PNPLA7: variants seen among roughly 807,000 people sequenced by gnomAD.
PNPLA7 encodes patatin-like phospholipase domain-containing protein 7.
Under a neutral mutation model 161.7 loss-of-function variants are expected in PNPLA7, and 153 were observed. The ratio of observed to expected loss-of-function variants is 0.95; its 90% confidence interval spans 0.83 to 1.08. PNPLA7 has a LOEUF of 1.08. Among genes scored for constraint, PNPLA7 ranks in the 50% least tolerant of loss-of-function variants. The pLI is 0.00. For missense variants in PNPLA7, 1,739 were observed against 1,856.6 expected, an observed-to-expected ratio of 0.94 and a Z score of 1.16; for synonymous variants, 809 against 782.1, an observed-to-expected ratio of 1.03 and a Z score of -0.57.
At chr9:137,510,130 A>G (rs950039426) in intron 12 of PNPLA7, among the ~76,000 whole-genome samples, 6 of 152,268 alleles carry the variant, frequency 3.9e-5, no homozygotes, top group Non-Finnish European at 5.9e-5. Flanking sequence ...CAGGCGGATC[A>G]TGGTCCAGCG....
At chr9:137,478,505 G>A (rs757821826) in intron 24 of PNPLA7, 52 of 212,054 alleles carry the variant, frequency 2.5e-4, no homozygotes, top group African/African-American at 1.0e-3. Flanking sequence ...CCTTCAGGGC[G>A]TGGGTTTCTG....
intron 8 of PNPLA7, among the ~76,000 whole-genome samples, chr9:137,529,464 T>C (rs1396420786): frequency 2.6e-5 from 4 of 152,156 alleles, no homozygotes; most frequent in Non-Finnish European, 5.9e-5. Context: ...TAGGATATAA[T>C]TTTCCGGAGA....
Position 137,464,362 on chromosome 9 carries a change from A to G in PNPLA7, c.3134T>C (p.Val1045Ala), listed in dbSNP as rs1412748027. ...GAGFNSSIFS[V>A]FKDQQIEDLW... ...CACCTCGATCTGCTGGTCCTTGAAG[A>G]CGCTGAAGATGCTGCTGTTGAAGCC... The change falls in exon 27 of 35, where the codon GTC becomes GCC. Residue 1045 changes from valine (V) to alanine (A), a missense_variant. Transcript: ENST00000406427. The G allele has an allele frequency of 6.2e-7, 1 of 1,613,660 alleles. No homozygotes were observed. Among genetic ancestry groups the G allele is most frequent in the Non-Finnish European group, 8.5e-7 (1 of 1,179,972 alleles).
chr9:137,510,071 G>A (rs989628047), intron 12 of PNPLA7, among the ~76,000 whole-genome samples: 1 of 152,188 alleles, frequency 6.6e-6, no homozygotes, highest in African/African-American at 2.4e-5. Context: ...GCCACCAGAG[G>A]GCTCCTTGGT....
rs1836341340 is a variant in PNPLA7, at chr9:137,543,728, T to C, written c.361A>G (p.Lys121Glu). 1 of 1,614,022 alleles carries C rather than the reference T, an allele frequency of 6.2e-7. No individual in the cohort carries two copies. Among genetic ancestry groups the C allele is most frequent in the East Asian group, 2.2e-5 (1 of 44,878 alleles). ...GGTCTGAAGGACACACAGTACCTCT[T>C]GGCCAAAGACAGCACCTTGGTCCTC... ...RKRTKVLSLA[K>E]RILRFKKEYP... The change falls in exon 5 of 35, where the codon AAG becomes GAG. Residue 121 changes from lysine (K) to glutamate (E), a missense_variant. Lys to Glu is a moderately conservative substitution (Grantham distance 56). This residue lies in a region of PNPLA7 where 209 missense variants were observed against 252.8 expected (regional missense o/e 0.83). Transcript: ENST00000406427. The surrounding 1 kb of genome is among the most constrained non-coding windows in gnomAD (Gnocchi z 6.9).
At position 137,461,027 on chromosome 9, in the gene PNPLA7, G is replaced by A; in HGVS notation, c.3842-290C>T. 9.3e-6 allele frequency: 4 copies of A among 430,706 alleles called. No individual in the cohort carries two copies. In the South Asian group the frequency reaches 9.8e-5, roughly 11 times the overall value. The allele number at this position is 430,706 out of a possible 1,614,324, so 26.7% of individuals were successfully genotyped here. On this transcript the variant is annotated intron_variant, in intron 33 of 34. Coordinates refer to ENST00000406427, the MANE Select transcript of PNPLA7 (RefSeq NM_001098537.3). ...GCACCCTGAGGGCTCCAGCACCCCA[G>A]ACCTGGCAACTGTGGATAGGGGCTG...
At chr9:137,508,386 T>C (rs1834030302) in intron 12 of PNPLA7, among the ~76,000 whole-genome samples, 1 of 151,502 alleles carries the variant, frequency 6.6e-6, no homozygotes, top group Non-Finnish European at 1.5e-5. Context: ...GCTAACACGG[T>C]GAAACCCCGT....
At chr9:137,549,526 T>C (rs1006188584) in intron 1 of PNPLA7, among the ~76,000 whole-genome samples, 9 of 140,618 alleles carry the variant, frequency 6.4e-5, no homozygotes, top group Middle Eastern at 3.6e-3. Context: ...GTTGAGATCG[T>C]GCCACTGCAA....
chr9:137,517,096 C>T (rs1834628636), intron 11 of PNPLA7, among the ~76,000 whole-genome samples: 1 of 144,588 alleles, frequency 6.9e-6, no homozygotes, highest in Admixed American at 6.9e-5. Context: ...ACTCTGTCCA[C>T]TCCATCCCTC....
Position 137,543,524 on chromosome 9 carries a change from G to A in PNPLA7, c.414C>T (p.Pro138=). Reference sequence around the variant, plus strand: ...GGTCGGCCTCCAGCAGGGAGGGCGGGGGCTCCTTGGGCTGCAGGGCCGGGT... The same window carrying A: ...GGTCGGCCTCCAGCAGGGAGGGCGGAGGCTCCTTGGGCTGCAGGGCCGGGT... ...KEYPALQPKE[P]PPSLLEADLT... The change falls in exon 6 of 35, where the codon CCC becomes CCT. Residue 138 remains proline, a synonymous_variant. Transcript: ENST00000406427. This position sits in a 1 kb window ranked among gnomAD's most constrained non-coding sequence, Gnocchi z 6.9. 6.2e-7 allele frequency: 1 copy of A among 1,613,922 alleles called. No individual in the cohort carries two copies.
chr9:137,479,591 T>A (rs1832108008), intron 23 of PNPLA7: 2 of 985,228 alleles, frequency 2.0e-6, no homozygotes, highest in South Asian at 4.7e-5. Flanking sequence ...GGAACATACA[T>A]CAGAGAGGAG....
intron 11 of PNPLA7, 60 bp downstream of exon 11, chr9:137,519,857 G>A (rs1170930860): frequency 6.4e-7 from 1 of 1,561,966 alleles, no homozygotes; most frequent in Non-Finnish European, 8.7e-7. Flanking sequence ...CTGAGGCAGT[G>A]GGAGCAGGAT....
chr9:137,497,200 TCTC>T lies in PNPLA7; in HGVS notation c.1997_1999del (p.Gly666del). The T allele has an allele frequency of 6.3e-7, 1 of 1,580,506 alleles. No individual in the cohort carries two copies. Among genetic ancestry groups the T allele is most frequent in the South Asian group, 1.2e-5 (1 of 85,894 alleles). On this transcript the variant is annotated inframe_deletion, in exon 18 of 35. Coordinates refer to ENST00000406427, the MANE Select transcript of PNPLA7 (RefSeq NM_001098537.3). Reference sequence around the variant, plus strand: ...CCCAGCACCTACCACGCCGACGAGGTCTCCTCGGCCGTACTCCCCGGCCAGGCG... The same window carrying T: ...CCCAGCACCTACCACGCCGACGAGGTCTCGGCCGTACTCCCCGGCCAGGCG...
intron 20 of PNPLA7, among the ~76,000 whole-genome samples, chr9:137,487,444 C>A (rs1242769194): frequency 6.6e-6 from 1 of 152,230 alleles, no homozygotes; most frequent in Non-Finnish European, 1.5e-5. Flanking sequence ...AGTAAATACC[C>A]AAACCGGCAG....
Position 137,543,922 on chromosome 9 carries a change from C to G in PNPLA7, c.274-107G>C, listed in dbSNP as rs1360920639. 2.2e-6 allele frequency: 2 copies of G among 900,752 alleles called. No homozygotes were observed. The highest frequency in any genetic ancestry group is 3.6e-6 in the Non-Finnish European group (2 of 558,612). The allele number at this position is 900,752 out of a possible 1,614,324, so 55.8% of individuals were successfully genotyped here. Reference sequence around the variant, plus strand: ...GACCTGCCTGTGGGCCTCCCACAGTCCCAGCTTCAGCTCCTGGGGTCTGGC... The same window carrying G: ...GACCTGCCTGTGGGCCTCCCACAGTGCCAGCTTCAGCTCCTGGGGTCTGGC... On this transcript the variant is annotated intron_variant, in intron 4 of 34. Coordinates refer to ENST00000406427, the MANE Select transcript of PNPLA7 (RefSeq NM_001098537.3). This position sits in a 1 kb window ranked among gnomAD's most constrained non-coding sequence, Gnocchi z 6.9.
intron 1 of PNPLA7, among the ~76,000 whole-genome samples, chr9:137,549,957 GCTGT>G (rs1836759920): frequency 6.6e-6 from 1 of 152,260 alleles, no homozygotes; most frequent in Non-Finnish European, 1.5e-5. Flanking sequence ...GCCACCACTG[GCTGT>G]CTGCTGTGAC....
chr9:137,518,113 CCTCA>C (rs1834729226), intron 11 of PNPLA7, among the ~76,000 whole-genome samples: 1 of 118,710 alleles, frequency 8.4e-6, no homozygotes, highest in Non-Finnish European at 1.8e-5. Flanking sequence ...CCACTCCATC[CCTCA>C]CTCACTCACT....
intron 23 of PNPLA7, 53 bp from the exon 24 acceptor site, chr9:137,479,291 C>A: frequency 3.4e-6 from 5 of 1,452,796 alleles, no homozygotes; most frequent in Non-Finnish European, 4.6e-6. Flanking sequence ...GGACTCGGGA[C>A]AGGACGGAGC....
At chr9:137,495,532 C>T (rs1377402617) in intron 18 of PNPLA7, among the ~76,000 whole-genome samples, 1 of 152,074 alleles carries the variant, frequency 6.6e-6, no homozygotes, top group Non-Finnish European at 1.5e-5. Flanking sequence ...CAAGCTCCAC[C>T]TCCTGGGTTC....
Sources: allele counts gnomAD v4.1 joint callset (sites outside exome capture counted in the v4.1 genomes callset), GRCh38; gene constraint gnomAD v4.1.1; regional missense constraint gnomAD v4.1.1; non-coding constraint Gnocchi (gnomAD v3.1); transcripts MANE v1.5; gene names NCBI Gene and HGNC (gene_info 2026-07-23, HGNC 2026-07-21).